The following COG5 variants were observed in gnomAD, a reference collection of about 807,000 sequenced individuals.
COG5 encodes component of oligomeric golgi complex 5, also known as conserved oligomeric Golgi complex subunit 5.
In COG5, 86 loss-of-function variants were observed where a neutral mutation model predicts 110.4. The observed-to-expected ratio is 0.78, with a 90% CI of 0.65 to 0.93. COG5 has a LOEUF of 0.93. Ranked by LOEUF, COG5 falls within the 40% of genes least tolerant of loss-of-function variation. The pLI, the probability that COG5 is intolerant of heterozygous loss-of-function variation, is 0.00. For missense variants in COG5, 1,077 were observed against 987.0 expected, an observed-to-expected ratio of 1.09 and a Z score of -1.22; for synonymous variants, 360 against 334.6, an observed-to-expected ratio of 1.08 and a Z score of -0.83.
At chr7:107,461,590 A>G (rs1409844886) in intron 6 of COG5, among the ~76,000 whole-genome samples, 1 of 152,206 alleles carries the variant, frequency 6.6e-6, no homozygotes, top group Non-Finnish European at 1.5e-5. Context: ...AGGCAAGACC[A>G]AAACAGATTT....
intron 10 of COG5, among the ~76,000 whole-genome samples, chr7:107,354,774 C>T (rs1485040115): frequency 6.6e-6 from 1 of 152,176 alleles, no homozygotes; most frequent in African/African-American, 2.4e-5. Context: ...TTCACTTTCC[C>T]TCATAATATC....
intron 11 of COG5, 113 bp from the exon 12 acceptor site, chr7:107,298,459 G>T: frequency 1.4e-6 from 1 of 699,250 alleles, no homozygotes. Flanking sequence ...AACCAAAGAC[G>T]TGTTCTAATG....
intron 6 of COG5, among the ~76,000 whole-genome samples, chr7:107,507,139 G>A (rs998111566): frequency 1.3e-5 from 2 of 152,158 alleles, no homozygotes; most frequent in Non-Finnish European, 2.9e-5. Context: ...CCTGGAGGCA[G>A]TCTCTTCCAC....
intron 18 of COG5, among the ~76,000 whole-genome samples, chr7:107,232,372 G>GT (rs1174621382): frequency 5.3e-5 from 8 of 152,116 alleles, no homozygotes; most frequent in African/African-American, 9.7e-5. Context: ...GATTATCACT[G>GT]TATCTTTGAT....
chr7:107,371,851 G>A (rs906668782), intron 8 of COG5, among the ~76,000 whole-genome samples: 1 of 152,162 alleles, frequency 6.6e-6, no homozygotes, highest in Non-Finnish European at 1.5e-5. Context: ...CAGAGTGCTT[G>A]GTCTTTGCTG....
intron 6 of COG5, among the ~76,000 whole-genome samples, chr7:107,441,254 T>TTAA (rs1563036898): frequency 3.4e-5 from 1 of 29,330 alleles, no homozygotes; most frequent in Non-Finnish European, 5.7e-5. Context: ...AGACTCCGTC[T>TTAA]CAAAAAAAAA....
At chr7:107,204,284 A>G (rs1554392887) in intron 21 of COG5, among the ~76,000 whole-genome samples, 2 of 152,178 alleles carry the variant, frequency 1.3e-5, no homozygotes, top group Non-Finnish European at 2.9e-5. Context: ...ATGCTTGTTC[A>G]TTTATATATT....
intron 10 of COG5, among the ~76,000 whole-genome samples, chr7:107,333,582 T>A (rs996385237): frequency 3.9e-5 from 6 of 152,146 alleles, no homozygotes; most frequent in Admixed American, 1.3e-4. Flanking sequence ...TAGTGAAAAG[T>A]AGTCAGATTT....
intron 19 of COG5, among the ~76,000 whole-genome samples, chr7:107,230,061 G>A (rs1454124716): frequency 6.6e-6 from 1 of 151,918 alleles, no homozygotes; most frequent in Non-Finnish European, 1.5e-5. Context: ...ATGTTGGCCA[G>A]GATGGTCTTG....
At chr7:107,519,924 C>T (rs1453116650) in intron 6 of COG5, among the ~76,000 whole-genome samples, 1 of 152,200 alleles carries the variant, frequency 6.6e-6, no homozygotes, top group Non-Finnish European at 1.5e-5. Flanking sequence ...AATCCAGCAG[C>T]ACAGTAAAAA....
chr7:107,241,304 T>G (rs994557817), intron 17 of COG5, among the ~76,000 whole-genome samples: 3 of 151,912 alleles, frequency 2.0e-5, no homozygotes, highest in Admixed American at 6.6e-5. Context: ...TCTCAAATAT[T>G]GGTAATCAGC....
intron 17 of COG5, 104 bp downstream of exon 17, chr7:107,248,292 C>G: frequency 1.3e-6 from 1 of 781,374 alleles, no homozygotes; most frequent in Non-Finnish European, 2.3e-6. Flanking sequence ...ACAAAAGGAA[C>G]AAGGCCCTGG....
chr7:107,378,659 G>A (rs116851300), intron 7 of COG5, among the ~76,000 whole-genome samples: 2,223 of 152,092 alleles, frequency 0.015, 26 homozygotes, highest in Non-Finnish European at 0.022. Flanking sequence ...ACGATCAAGC[G>A]GAAGAAAAGA....
At chr7:107,465,710 C>T (rs1472462872) in intron 6 of COG5, among the ~76,000 whole-genome samples, 1 of 152,162 alleles carries the variant, frequency 6.6e-6, no homozygotes, top group African/African-American at 2.4e-5. Flanking sequence ...AAAATGCATT[C>T]ATTTTCCCAA....
At chr7:107,462,776 C>T (rs1252052924) in intron 6 of COG5, among the ~76,000 whole-genome samples, 3 of 152,098 alleles carry the variant, frequency 2.0e-5, no homozygotes, top group Non-Finnish European at 2.9e-5. Context: ...GATACAATAA[C>T]GAATCCAGGT....
intron 19 of COG5, among the ~76,000 whole-genome samples, chr7:107,221,764 C>CA (rs1165656626): frequency 0.05 from 3,098 of 61,674 alleles, 128 homozygotes; most frequent in African/African-American, 0.15. Flanking sequence ...GACTCCGTCT[C>CA]AAAAAAAAAA....
chr7:107,238,357 T>C (rs1182565142), intron 17 of COG5, among the ~76,000 whole-genome samples: 1 of 152,238 alleles, frequency 6.6e-6, no homozygotes, highest in African/African-American at 2.4e-5. Context: ...TATTCCATTG[T>C]GTATGTATAC....
intron 6 of COG5, among the ~76,000 whole-genome samples, chr7:107,446,010 A>T (rs1794986639): frequency 6.6e-6 from 1 of 152,218 alleles, no homozygotes; most frequent in African/African-American, 2.4e-5. Context: ...GCCCCTTGCA[A>T]AAAAGGCACC....
intron 12 of COG5, among the ~76,000 whole-genome samples, chr7:107,296,347 A>G (rs1323613901): frequency 6.6e-6 from 1 of 152,112 alleles, no homozygotes; most frequent in African/African-American, 2.4e-5. Context: ...AGATTTAAAA[A>G]TAAAACTAAG....
Sources: gnomAD v4.1 joint callset for allele counts (sites outside exome capture counted in the v4.1 genomes callset) on GRCh38, gnomAD v4.1.1 for gene constraint, MANE v1.5 for transcripts, NCBI Gene and HGNC (gene_info 2026-07-23, HGNC 2026-07-21) for gene names.